TSPAN11: variants seen among roughly 807,000 people sequenced by gnomAD.
TSPAN11 encodes tetraspanin-11.
Under a neutral mutation model 32.9 loss-of-function variants are expected in TSPAN11, and 29 were observed. That is an observed-to-expected ratio of 0.88 (90% CI 0.66 to 1.20). The LOEUF (loss-of-function observed/expected upper bound fraction) is 1.20. TSPAN11 is among the 50% of genes most tolerant of loss of function. The pLI, the probability that TSPAN11 is intolerant of heterozygous loss-of-function variation, is 0.00. For synonymous variants in TSPAN11, 140 were observed against 141.3 expected (o/e 0.99, Z 0.07); for missense variants, 283 against 329.1 (o/e 0.86, Z 1.08).
downstream of TSPAN11, among the ~76,000 whole-genome samples, chr12:31,000,394 T>C (rs1338999066): frequency 2.0e-5 from 3 of 152,260 alleles, no homozygotes; most frequent in African/African-American, 7.2e-5. Flanking sequence ...GACCTGATTT[T>C]AATTTTTTAG....
chr12:30,953,586 G>A (rs1415470033), intron 1 of TSPAN11, among the ~76,000 whole-genome samples: 1 of 152,178 alleles, frequency 6.6e-6, no homozygotes, highest in Non-Finnish European at 1.5e-5. Flanking sequence ...AAATGATGCA[G>A]AGTGCAAGTT....
intron 1 of TSPAN11, among the ~76,000 whole-genome samples, chr12:30,949,339 T>G (rs1191105178): frequency 6.6e-6 from 1 of 152,168 alleles, no homozygotes; most frequent in Non-Finnish European, 1.5e-5. Context: ...TTCACACTGC[T>G]GATAAAGATG....
intron 3 of TSPAN11, among the ~76,000 whole-genome samples, chr12:30,974,814 G>GT (rs1266435458): frequency 6.6e-6 from 1 of 152,218 alleles, no homozygotes; most frequent in African/African-American, 2.4e-5. Flanking sequence ...GGAACCGCAC[G>GT]GCAGGCGAAG....
chr12:30,956,557 T>C (rs1041412306), intron 2 of TSPAN11, among the ~76,000 whole-genome samples: 1 of 151,942 alleles, frequency 6.6e-6, no homozygotes, highest in Admixed American at 6.5e-5. Flanking sequence ...CCCTGGCCCC[T>C]GCCACCTAGA....
intron 7 of TSPAN11, among the ~76,000 whole-genome samples, chr12:30,989,035 G>A (rs1939259745): frequency 4.6e-5 from 7 of 152,252 alleles, no homozygotes; most frequent in Admixed American, 4.6e-4. Flanking sequence ...CCTCCGCCCA[G>A]GGGGCCGGCA....
At chr12:30,930,320 A>G (rs1267762791) in intron 1 of TSPAN11, among the ~76,000 whole-genome samples, 9 of 152,224 alleles carry the variant, frequency 5.9e-5, no homozygotes, top group African/African-American at 2.2e-4. Flanking sequence ...TGTTGAGGAC[A>G]TTAAACTCAT....
intron 7 of TSPAN11, among the ~76,000 whole-genome samples, chr12:30,991,079 G>A (rs549835069): frequency 6.6e-6 from 1 of 152,342 alleles, no homozygotes; most frequent in Middle Eastern, 3.4e-3. Context: ...AGAAGGCGGT[G>A]TGCAGGGTGA....
intron 1 of TSPAN11, among the ~76,000 whole-genome samples, chr12:30,943,100 C>T (rs890095056): frequency 1.3e-5 from 2 of 152,322 alleles, no homozygotes. Flanking sequence ...GCAGTGACGG[C>T]CGTCATGGCA....
the TSPAN11 span, among the ~76,000 whole-genome samples, chr12:31,008,694 G>A: frequency 4.6e-5 from 7 of 152,234 alleles, no homozygotes; most frequent in South Asian, 2.1e-4. Flanking sequence ...TTGCAGGCAC[G>A]CTTTCTTTTG....
At chr12:30,990,810 C>A (rs911082139) in intron 7 of TSPAN11, among the ~76,000 whole-genome samples, 2 of 152,226 alleles carry the variant, frequency 1.3e-5, no homozygotes, top group Non-Finnish European at 2.9e-5. Flanking sequence ...GACACTGTTT[C>A]AATACTTAGG....
At chr12:30,988,094 T>C (rs1939235819) in intron 7 of TSPAN11, among the ~76,000 whole-genome samples, 2 of 151,822 alleles carry the variant, frequency 1.3e-5, no homozygotes, top group South Asian at 4.2e-4. Flanking sequence ...ATTCCGGGAG[T>C]GCACCTATCC....
intron 2 of TSPAN11, among the ~76,000 whole-genome samples, chr12:30,957,789 CTCCT>C (rs1938524148): frequency 3.5e-5 from 1 of 28,518 alleles, no homozygotes; most frequent in Non-Finnish European, 5.7e-5. Context: ...CCCTCCCTCC[CTCCT>C]TCCTTCCCTC....
chr12:30,969,355 G>A (rs1938801852), intron 3 of TSPAN11, among the ~76,000 whole-genome samples: 1 of 152,180 alleles, frequency 6.6e-6, no homozygotes, highest in African/African-American at 2.4e-5. Flanking sequence ...TCATCTGTTT[G>A]GTGGCTCTTT....
chr12:30,929,787 T>G (rs1484783360), intron 1 of TSPAN11, among the ~76,000 whole-genome samples: 1 of 152,250 alleles, frequency 6.6e-6, no homozygotes, highest in Non-Finnish European at 1.5e-5. Flanking sequence ...CAGCCATGTT[T>G]CCTGGGGTTT....
rs1939331578 is a variant in TSPAN11 at position 30,992,288 on chromosome 12, C to A, written c.*373C>A. On this transcript the variant is annotated 3_prime_UTR_variant, in exon 8 of 8. Coordinates refer to ENST00000546076, the MANE Select transcript of TSPAN11 (RefSeq NM_001370302.1). ...AACAATCGGCAGAAAACCCAGGAAC[C>A]CCGGCACTCCTGCATTCAGCACGGG... The A allele has an allele frequency of 3.2e-6, 1 of 312,384 alleles. No homozygotes were observed. Among genetic ancestry groups the A allele is most frequent in the Non-Finnish European group, 6.1e-6 (1 of 162,798 alleles). The allele number at this position is 312,384 out of a possible 1,614,324, so 19.4% of individuals were successfully genotyped here. A position where few individuals can be genotyped will look rare whatever the true frequency, so the allele number is the denominator to read the frequency against.
At chr12:31,008,746 G>A in the TSPAN11 span, among the ~76,000 whole-genome samples, 1 of 152,190 alleles carries the variant, frequency 6.6e-6, no homozygotes. Flanking sequence ...CATAAAACAA[G>A]TTTTCGTCAA....
intron 1 of TSPAN11, among the ~76,000 whole-genome samples, chr12:30,938,987 C>CTT (rs1299568646): frequency 6.6e-6 from 1 of 152,060 alleles, no homozygotes; most frequent in African/African-American, 2.4e-5. Context: ...AATCCCAGCA[C>CTT]TTTGGGAGGC....
rs1025330346 is a variant in TSPAN11, at chr12:30,974,619, G to A, written c.277-3942G>A. 5.3e-5 allele frequency among the ~76,000 whole-genome samples: 8 copies of A among 152,318 alleles called. No homozygotes were observed. In the East Asian group the frequency reaches 7.7e-4, roughly 15 times the overall value. Reference sequence around the variant, plus strand: ...CTTTATCAGGGGATGTCTGCTAAGCGTTATGTCTAGACCCAGCACCATACC... The same window carrying A: ...CTTTATCAGGGGATGTCTGCTAAGCATTATGTCTAGACCCAGCACCATACC... On this transcript the variant is annotated intron_variant, in intron 3 of 7. Coordinates refer to ENST00000546076, the MANE Select transcript of TSPAN11 (RefSeq NM_001370302.1).
chr12:30,949,131 C>A (rs1938327423), intron 1 of TSPAN11, among the ~76,000 whole-genome samples: 1 of 152,172 alleles, frequency 6.6e-6, no homozygotes, highest in African/African-American at 2.4e-5. Flanking sequence ...TTGTTCATAT[C>A]ACCATCAACA....
Sources: gnomAD v4.1 joint callset for allele counts (sites outside exome capture counted in the v4.1 genomes callset) on GRCh38, gnomAD v4.1.1 for gene constraint, MANE v1.5 for transcripts, NCBI Gene and HGNC (gene_info 2026-07-23, HGNC 2026-07-21) for gene names.